The following SPAG16 variants were observed in gnomAD, a reference collection of about 807,000 sequenced individuals.
SPAG16 encodes sperm-associated antigen 16 protein.
SPAG16 carries 86 observed loss-of-function variants against 80.4 expected under a neutral mutation model. The observed-to-expected ratio is 1.07, with a 90% CI of 0.90 to 1.28. The LOEUF (loss-of-function observed/expected upper bound fraction) is 1.28, where lower values mean the gene tolerates loss of function less well. Among genes scored for constraint, SPAG16 ranks in the 50% most tolerant of loss-of-function variants. The pLI is 0.00. For synonymous variants in SPAG16, 294 were observed against 265.9 expected (o/e 1.11, Z -1.03); for missense variants, 870 against 765.3 (o/e 1.14, Z -1.61).
At chr2:214,143,750 G>A (rs772581394) in intron 14 of SPAG16, among the ~76,000 whole-genome samples, 1 of 152,132 alleles carries the variant, frequency 6.6e-6, no homozygotes, top group Non-Finnish European at 1.5e-5. Flanking sequence ...TAGAGATTCA[G>A]TGTTACAGAA....
At chr2:214,123,147 C>T (rs1011102380) in intron 14 of SPAG16, among the ~76,000 whole-genome samples, 13 of 151,824 alleles carry the variant, frequency 8.6e-5, no homozygotes, top group African/African-American at 2.7e-4. Context: ...TATAAGGTAA[C>T]TATAATAAAT....
At chr2:214,410,094 A>T in intron 15 of SPAG16, 46 bp from the exon 16 acceptor site, 1 of 1,600,940 alleles carries the variant, frequency 6.2e-7, no homozygotes, top group South Asian at 1.1e-5. Context: ...CACTTGAAAT[A>T]AAACTTTGAT....
intron 10 of SPAG16, among the ~76,000 whole-genome samples, chr2:213,788,286 T>G (rs933859288): frequency 2.0e-5 from 3 of 152,034 alleles, no homozygotes; most frequent in African/African-American, 7.2e-5. Context: ...TAGAAGTAAA[T>G]GGTCATAATA....
At chr2:213,770,485 A>G (rs2069181524) in intron 10 of SPAG16, among the ~76,000 whole-genome samples, 1 of 152,204 alleles carries the variant, frequency 6.6e-6, no homozygotes, top group Non-Finnish European at 1.5e-5. Flanking sequence ...GTTCCAGGGT[A>G]CATATGCAGG....
At chr2:213,625,661 A>G (rs1474004) in intron 10 of SPAG16, among the ~76,000 whole-genome samples, 61,879 of 151,268 alleles carry the variant, frequency 0.41, 13,087 homozygotes, top group Middle Eastern at 0.51. Flanking sequence ...TGTTGTTGTT[A>G]CTGTTCTTTT....
intron 10 of SPAG16, among the ~76,000 whole-genome samples, chr2:213,593,977 A>G (rs113416551): frequency 0.088 from 13,089 of 149,572 alleles, 1,438 homozygotes; most frequent in African/African-American, 0.26. Flanking sequence ...GGTTTTCACC[A>G]CGTTAGCCAG....
At chr2:214,378,318 G>A (rs2126102123) in intron 15 of SPAG16, among the ~76,000 whole-genome samples, 1 of 152,238 alleles carries the variant, frequency 6.6e-6, no homozygotes, top group African/African-American at 2.4e-5. Flanking sequence ...AACTCAAACT[G>A]GTTTAAATAA....
intron 10 of SPAG16, among the ~76,000 whole-genome samples, chr2:213,491,484 T>C (rs2074232016): frequency 6.6e-6 from 1 of 152,238 alleles, no homozygotes; most frequent in South Asian, 2.1e-4. Context: ...TATACTACAA[T>C]AACAAACACA....
At chr2:213,581,819 A>G (rs181371472) in intron 10 of SPAG16, among the ~76,000 whole-genome samples, 4 of 152,300 alleles carry the variant, frequency 2.6e-5, no homozygotes, top group African/African-American at 9.6e-5. Context: ...CATGGCCCAA[A>G]CAGAGATGCT....
chr2:213,328,359 C>T (rs2063931734), intron 5 of SPAG16, among the ~76,000 whole-genome samples: 1 of 142,488 alleles, frequency 7.0e-6, no homozygotes, highest in South Asian at 2.1e-4. Flanking sequence ...ATTCATTGAT[C>T]CTTTTTCAAA....
chr2:213,741,121 G>A (rs1373468304), intron 10 of SPAG16, among the ~76,000 whole-genome samples: 1 of 151,960 alleles, frequency 6.6e-6, no homozygotes, highest in African/African-American at 2.4e-5. Flanking sequence ...TGTTTCTTAA[G>A]GAGAAATCTT....
intron 10 of SPAG16, among the ~76,000 whole-genome samples, chr2:213,825,693 C>G (rs1452396925): frequency 4.0e-5 from 4 of 98,986 alleles, no homozygotes; most frequent in African/African-American, 1.5e-4. Flanking sequence ...TTCTTTCTTT[C>G]TTTCTTTCTT....
chr2:214,221,773 C>T (rs952485749), intron 15 of SPAG16, among the ~76,000 whole-genome samples: 3 of 151,968 alleles, frequency 2.0e-5, no homozygotes, highest in Admixed American at 1.3e-4. Context: ...TGTTATTTTT[C>T]GTGTTTTCAC....
chr2:213,879,911 TC>T (rs1387916903), intron 11 of SPAG16, among the ~76,000 whole-genome samples: 1 of 152,228 alleles, frequency 6.6e-6, no homozygotes, highest in Non-Finnish European at 1.5e-5. Flanking sequence ...TGATTCCTTT[TC>T]TTTGCTATTG....
intron 10 of SPAG16, among the ~76,000 whole-genome samples, chr2:213,697,819 T>A (rs2065226184): frequency 6.6e-6 from 1 of 152,170 alleles, no homozygotes; most frequent in Non-Finnish European, 1.5e-5. Context: ...AGAGTTTCCT[T>A]TTAAAAAACA....
At chr2:213,554,154 G>C (rs1182782207) in intron 10 of SPAG16, among the ~76,000 whole-genome samples, 2 of 152,164 alleles carry the variant, frequency 1.3e-5, no homozygotes, top group African/African-American at 4.8e-5. Context: ...GAGAAAAGGA[G>C]GTCATGAGGA....
chr2:213,361,291 G>A (rs150562608), intron 7 of SPAG16, among the ~76,000 whole-genome samples: 3,553 of 151,616 alleles, frequency 0.023, 66 homozygotes, highest in Non-Finnish European at 0.037. Context: ...GAATTGATTT[G>A]TAGGTATCTA....
At chr2:214,164,500 A>T (rs1485933462) in intron 15 of SPAG16, among the ~76,000 whole-genome samples, 1 of 152,108 alleles carries the variant, frequency 6.6e-6, no homozygotes, top group Non-Finnish European at 1.5e-5. Flanking sequence ...GCTTTTTGTG[A>T]GTGAGATTGG....
chr2:213,848,503 C>A (rs2074739130), intron 10 of SPAG16, among the ~76,000 whole-genome samples: 1 of 152,154 alleles, frequency 6.6e-6, no homozygotes, highest in South Asian at 2.1e-4. Flanking sequence ...CTTATATGTT[C>A]ATTAATTTTC....
Sources: allele counts gnomAD v4.1 joint callset (sites outside exome capture counted in the v4.1 genomes callset), GRCh38; gene constraint gnomAD v4.1.1; transcripts MANE v1.5; gene names NCBI Gene and HGNC (gene_info 2026-07-23, HGNC 2026-07-21).